The following SORBS2 variants were observed in gnomAD, a reference collection of about 807,000 sequenced individuals.
The protein encoded by SORBS2 is sorbin and SH3 domain-containing protein 2.
In SORBS2, 46 loss-of-function variants were observed where a neutral mutation model predicts 97.7. The observed-to-expected ratio is 0.47, with a 90% CI of 0.37 to 0.60. SORBS2 has a LOEUF of 0.60. Ranked by LOEUF, SORBS2 falls within the 20% of genes least tolerant of loss-of-function variation. The probability of loss-of-function intolerance (pLI) is 0.00; values close to 1 mark genes in which losing one functional copy is unlikely to be tolerated. For synonymous variants in SORBS2, 476 were observed against 473.4 expected, an observed-to-expected ratio of 1.01 and a Z score of -0.07; for missense variants, 1,316 against 1,282.3, an observed-to-expected ratio of 1.03 and a Z score of -0.40.
chr4:185,879,173 C>CA (rs1317797320), intron 1 of SORBS2, among the ~76,000 whole-genome samples: 3 of 109,186 alleles, frequency 2.7e-5, no homozygotes, highest in Admixed American at 8.2e-5. Context: ...CCTCCCCCCC[C>CA]CCCACCCCAC....
intron 4 of SORBS2, among the ~76,000 whole-genome samples, chr4:185,639,357 T>C (rs1272370644): frequency 6.6e-6 from 1 of 152,192 alleles, no homozygotes; most frequent in Non-Finnish European, 1.5e-5. Flanking sequence ...TCCTCGATGT[T>C]CTAATTTAGA....
At chr4:185,747,638 G>T (rs1056522583) in intron 2 of SORBS2, among the ~76,000 whole-genome samples, 1 of 152,166 alleles carries the variant, frequency 6.6e-6, no homozygotes, top group Non-Finnish European at 1.5e-5. Context: ...TCAGGCCCAT[G>T]GTGGTCAGGG....
At chr4:185,771,570 T>C (rs1443894349) in intron 2 of SORBS2, 1 of 152,244 alleles carries the variant, frequency 6.6e-6, no homozygotes, top group Non-Finnish European at 1.5e-5. Context: ...TGCTAGCTTT[T>C]CCAGTGCTTT....
intron 1 of SORBS2, among the ~76,000 whole-genome samples, chr4:185,896,269 T>A (rs2099244991): frequency 6.6e-6 from 1 of 152,204 alleles, no homozygotes. Context: ...CTGAATTAGA[T>A]ACAAATCCTC....
Position 185,885,312 on chromosome 4 carries a change from C to T in SORBS2, c.-338+70884G>A, listed in dbSNP as rs964155357. Reference sequence around the variant, plus strand: ...CTTTCACATTTCTGCCCTTGAAATACGACATAGCACCCCCGGGCACCTGCT... The same window carrying T: ...CTTTCACATTTCTGCCCTTGAAATATGACATAGCACCCCCGGGCACCTGCT... On this transcript the variant is annotated intron_variant, in intron 1 of 20. Coordinates refer to the SORBS2 transcript ENST00000284776. 1.2e-4 allele frequency among the ~76,000 whole-genome samples: 18 copies of T among 152,314 alleles called. 2 individuals carry two copies. Among genetic ancestry groups the T allele is most frequent in the South Asian group, 4.1e-4 (2 of 4,834 alleles).
chr4:185,651,008 G>A (rs1356669934), intron 2 of SORBS2, among the ~76,000 whole-genome samples: 2 of 152,120 alleles, frequency 1.3e-5, no homozygotes, highest in African/African-American at 2.4e-5. Context: ...AGGACCCCAA[G>A]TGAGGTTGCA....
intron 4 of SORBS2, among the ~76,000 whole-genome samples, chr4:185,672,196 C>A (rs892004610): frequency 6.6e-6 from 1 of 152,224 alleles, no homozygotes; most frequent in African/African-American, 2.4e-5. Flanking sequence ...TCCTTAGTAT[C>A]TACATACTGA....
At chr4:185,713,237 T>A (rs1045203863) in intron 2 of SORBS2, among the ~76,000 whole-genome samples, 2 of 152,196 alleles carry the variant, frequency 1.3e-5, no homozygotes, top group African/African-American at 2.4e-5. Flanking sequence ...GCCCACACTG[T>A]CCTCTCCCTG....
chr4:185,874,430 C>T (rs13144263), intron 1 of SORBS2, among the ~76,000 whole-genome samples: 33,312 of 152,074 alleles, frequency 0.22, 4,181 homozygotes, highest in East Asian at 0.54. Context: ...TCGGGTCAGT[C>T]TTGTTCAGCA....
chr4:185,618,520 C>G, intron 9 of SORBS2, 65 bp downstream of exon 21: 3 of 862,096 alleles, frequency 3.5e-6, no homozygotes, highest in Non-Finnish European at 5.3e-6. Context: ...CAATGCTTAT[C>G]TCTTAAAGCA....
At chr4:185,925,250 C>T (rs2099263048) in intron 1 of SORBS2, among the ~76,000 whole-genome samples, 1 of 152,144 alleles carries the variant, frequency 6.6e-6, no homozygotes. Flanking sequence ...AGAATATATC[C>T]TCTAATGCCA....
intron 1 of SORBS2, among the ~76,000 whole-genome samples, chr4:185,793,707 G>A (rs2099091860): frequency 1.3e-5 from 2 of 152,004 alleles, no homozygotes; most frequent in South Asian, 4.2e-4. Context: ...CCATCTCTGG[G>A]GATTTTTTTT....
chr4:185,943,222 C>T (rs1015369881), intron 1 of SORBS2, among the ~76,000 whole-genome samples: 4 of 152,182 alleles, frequency 2.6e-5, no homozygotes, highest in South Asian at 2.1e-4. Context: ...TTTCAACCTA[C>T]GAACCTAGTA....
chr4:185,700,025 T>A (rs1542847), intron 2 of SORBS2, among the ~76,000 whole-genome samples: 2 of 152,238 alleles, frequency 1.3e-5, no homozygotes, highest in African/African-American at 4.8e-5. Flanking sequence ...AAGTGGTGTG[T>A]TTATTGATTC....
At chr4:185,749,935 T>G (rs542068132) in intron 2 of SORBS2, among the ~76,000 whole-genome samples, 88 of 152,334 alleles carry the variant, frequency 5.8e-4, no homozygotes, top group African/African-American at 1.9e-3. Flanking sequence ...ATGGCTTCAT[T>G]TTCCATCTAT....
chr4:185,844,112 A>G (rs750824597), intron 1 of SORBS2, among the ~76,000 whole-genome samples: 6 of 152,248 alleles, frequency 3.9e-5, no homozygotes, highest in Non-Finnish European at 8.8e-5. Flanking sequence ...AGGCAATTCA[A>G]TGGAGAAAGG....
At chr4:185,770,694 T>TA (rs2098964983) in intron 2 of SORBS2, among the ~76,000 whole-genome samples, 2 of 145,048 alleles carry the variant, frequency 1.4e-5, no homozygotes, top group Admixed American at 1.4e-4. Flanking sequence ...AAACACTGAT[T>TA]TAAAAAAAAA....
chr4:185,901,369 AT>A (rs2099247678), intron 1 of SORBS2, among the ~76,000 whole-genome samples: 1 of 152,030 alleles, frequency 6.6e-6, no homozygotes, highest in Non-Finnish European at 1.5e-5. Flanking sequence ...CGGTCGGCTA[AT>A]TTTTTGTATT....
At chr4:185,683,880 A>C (rs548885646) in intron 2 of SORBS2, among the ~76,000 whole-genome samples, 17 of 152,276 alleles carry the variant, frequency 1.1e-4, no homozygotes, top group African/African-American at 4.1e-4. Context: ...TGTGTGTAGA[A>C]GACTGTGATA....
Sources: gnomAD v4.1 joint callset for allele counts (sites outside exome capture counted in the v4.1 genomes callset) on GRCh38, gnomAD v4.1.1 for gene constraint, MANE v1.5 for transcripts, NCBI Gene and HGNC (gene_info 2026-07-23, HGNC 2026-07-21) for gene names.